ABCA5: variants seen among roughly 807,000 people sequenced by gnomAD.
The protein encoded by ABCA5 is cholesterol transporter ABCA5.
ABCA5 carries 163 observed loss-of-function variants against 206.0 expected under a neutral mutation model. That is an observed-to-expected ratio of 0.79 (90% CI 0.70 to 0.90). ABCA5 has a LOEUF of 0.90. Ranked by LOEUF, ABCA5 falls within the 40% of genes least tolerant of loss-of-function variation. ABCA5 has a pLI of 0.00. For missense variants in ABCA5, 1,859 were observed against 1,912.9 expected, an observed-to-expected ratio of 0.97 and a Z score of 0.53; for synonymous variants, 609 against 613.8, an observed-to-expected ratio of 0.99 and a Z score of 0.11.
rs1202209163 is a variant in ABCA5 at position 69,326,905 on chromosome 17, G to C, written c.-16+147C>G. ...GCCGCCTCTGCCCGCTTCCGAGCCCGCTTCACCCCACACCTCAGACGCCGA... is the reference window on the plus strand; with the variant it reads ...GCCGCCTCTGCCCGCTTCCGAGCCCCCTTCACCCCACACCTCAGACGCCGA... On this transcript the variant is annotated intron_variant, in intron 1 of 38. Transcript: ENST00000392676. The surrounding 1 kb of genome is among the most constrained non-coding windows in gnomAD (Gnocchi z 4.8). The C allele has an allele frequency of 6.6e-6, 1 of 152,258 alleles. No individual in the cohort carries two copies. The highest frequency in any genetic ancestry group is 1.5e-5 in the Non-Finnish European group (1 of 68,230). The allele number at this position is 152,258 out of a possible 1,614,324, so 9.4% of individuals were successfully genotyped here. A position where few individuals can be genotyped will look rare whatever the true frequency, so the allele number is the denominator to read the frequency against.
Position 69,259,732 on chromosome 17 carries a change from T to A in ABCA5, c.3705A>T (p.Arg1235Ser). 6.2e-7 allele frequency: 1 copy of A among 1,608,246 alleles called. No homozygotes were observed. ...LQYYEKKYGG[R>S]SIRKDPFFRN... Reference sequence around the variant, plus strand: ...TGAAAAAGGGATCTTTTCTTATTGATCTGCCTCCATATTTTTTCTCATAGT... The same window carrying A: ...TGAAAAAGGGATCTTTTCTTATTGAACTGCCTCCATATTTTTTCTCATAGT... The change falls in exon 28 of 39, where the codon AGA becomes AGT. Residue 1235 changes from arginine to serine, a missense_variant. Physicochemically the swap from Arg to Ser is moderately radical, Grantham distance 110. Coordinates refer to ENST00000392676, the MANE Select transcript of ABCA5 (RefSeq NM_172232.4).
chr17:69,284,629 T>C (rs2075431017), intron 17 of ABCA5, among the ~76,000 whole-genome samples: 1 of 152,194 alleles, frequency 6.6e-6, no homozygotes, highest in Non-Finnish European at 1.5e-5. Flanking sequence ...CTGCATCTTT[T>C]AAAACAAAAA....
intron 1 of ABCA5, chr17:69,315,232 GAACT>G (rs1430004349): frequency 1.3e-5 from 2 of 152,224 alleles, no homozygotes; most frequent in South Asian, 2.1e-4. Context: ...TTGAGAAACT[GAACT>G]AACAGACAGA....
At chr17:69,280,533 G>T (rs1197231003) in intron 18 of ABCA5, among the ~76,000 whole-genome samples, 1 of 150,662 alleles carries the variant, frequency 6.6e-6, no homozygotes, top group Non-Finnish European at 1.5e-5. Flanking sequence ...CCCATTACTG[G>T]GTATATACCC....
At chr17:69,266,309 T>C (rs1197151571) in intron 23 of ABCA5, among the ~76,000 whole-genome samples, 1 of 152,184 alleles carries the variant, frequency 6.6e-6, no homozygotes, top group Non-Finnish European at 1.5e-5. Flanking sequence ...AGAAATGTTC[T>C]GTATCTTGAC....
rs1400544326 is a variant in ABCA5 at position 69,271,169 on chromosome 17, G to A, written c.2885C>T (p.Ser962Leu). Residue 962 changes from serine to leucine, a missense_variant, in exon 21 of 39, where the codon TCA (serine) becomes TTA (leucine). Physicochemically the swap from Ser to Leu is moderately radical, Grantham distance 145 (BLOSUM62 -2). Transcript: ENST00000392676. ...TCACTGCATTCATCTTACCTTTTCT[G>A]AATGCATCACATTTAAAGCCGCACT... ...PHSAALNVMH[S>L]EKDYVFAAVF... is the part of the protein sequence containing the mutation. 3.1e-6 allele frequency: 5 copies of A among 1,610,616 alleles called. No individual in the cohort carries two copies. Among genetic ancestry groups the A allele is most frequent in the Non-Finnish European group, 4.2e-6 (5 of 1,179,080 alleles).
intron 1 of ABCA5, among the ~76,000 whole-genome samples, chr17:69,322,300 G>A (rs2075870964): frequency 7.5e-6 from 1 of 132,974 alleles, no homozygotes; most frequent in Non-Finnish European, 1.5e-5. Flanking sequence ...AACCCGGGAG[G>A]TGAAAGTTGC....
Position 69,289,966 on chromosome 17 carries a change from T to C in ABCA5, c.1678A>G (p.Ile560Val), listed in dbSNP as rs1304111578. The change falls in exon 13 of 39, where the codon ATT (isoleucine) becomes GTT (valine). Residue 560 changes from isoleucine (I) to valine (V), a missense_variant. Transcript: ENST00000392676. The part of the protein sequence containing the change: ...EMFEARKMIG[I>V]CPQLDIHFDV... ...AAGTGTATATCTAACTGTGGACAAA[T>C]GCCAATCATTTTTCTTGCTTCAAAC... 1 of 1,612,592 alleles carries C rather than the reference T, an allele frequency of 6.2e-7. No individual in the cohort carries two copies. Among genetic ancestry groups the C allele is most frequent in the East Asian group, 2.2e-5 (1 of 44,688 alleles).
At chr17:69,293,833 G>GGGGTGTGTGT (rs529106926) in intron 11 of ABCA5, among the ~76,000 whole-genome samples, 1 of 123,726 alleles carries the variant, frequency 8.1e-6, no homozygotes, top group East Asian at 2.6e-4. Flanking sequence ...CAATCATACT[G>GGGGTGTGTGT]GTGTGTGTGT....
intron 7 of ABCA5, among the ~76,000 whole-genome samples, chr17:69,303,811 T>TATATAC (rs1567778180): frequency 3.3e-3 from 14 of 4,256 alleles, no homozygotes; most frequent in Admixed American, 0.02. Context: ...TATATATACA[T>TATATAC]ACATATATAT....
At chr17:69,270,949 A>T (rs1013802057) in intron 21 of ABCA5, among the ~76,000 whole-genome samples, 199 bp from the exon 22 acceptor site, 2 of 151,412 alleles carry the variant, frequency 1.3e-5, no homozygotes, top group Non-Finnish European at 3.0e-5. Flanking sequence ...AAACAAGCAT[A>T]TAATTTTTTA....
chr17:69,251,925 G>C, intron 34 of ABCA5, 59 bp from the exon 35 acceptor site: 15 of 1,576,356 alleles, frequency 9.5e-6, no homozygotes, highest in Non-Finnish European at 1.2e-5. Flanking sequence ...AAAAAAAATG[G>C]GTTTTTAAAA....
At chr17:69,313,429 G>T (rs1323979196) in intron 2 of ABCA5, 133 bp from the exon 3 acceptor site, 18 of 438,014 alleles carry the variant, frequency 4.1e-5, no homozygotes, top group Non-Finnish European at 6.7e-5. Flanking sequence ...TAAAATAAAA[G>T]CAATTCTATC....
intron 18 of ABCA5, among the ~76,000 whole-genome samples, chr17:69,281,051 T>C (rs1294663612): frequency 7.5e-6 from 1 of 133,028 alleles, no homozygotes; most frequent in African/African-American, 2.9e-5. Flanking sequence ...AAAATAAAAA[T>C]AAATAAATAA....
At chr17:69,269,447 G>A (rs1407136992) in intron 22 of ABCA5, among the ~76,000 whole-genome samples, 1 of 152,182 alleles carries the variant, frequency 6.6e-6, no homozygotes, top group African/African-American at 2.4e-5. Context: ...CACTGCTGCT[G>A]GAAATGGAAA....
intron 34 of ABCA5, among the ~76,000 whole-genome samples, chr17:69,252,770 G>A (rs910027851): frequency 4.0e-5 from 6 of 148,532 alleles, no homozygotes; most frequent in Admixed American, 3.4e-4. Flanking sequence ...CTGGGAAGCA[G>A]AGGTTGCAGT....
Position 69,324,715 on chromosome 17 carries a change from C to A in ABCA5, c.-16+2337G>T, listed in dbSNP as rs8075063. Among the ~76,000 whole-genome samples the A allele has an allele frequency of 3.3e-5, 5 of 152,124 alleles. 1 individual carries two copies. In the East Asian group the frequency reaches 9.6e-4, roughly 29 times the overall value. On this transcript the variant is annotated intron_variant, in intron 1 of 38. Coordinates refer to ENST00000392676, the MANE Select transcript of ABCA5 (RefSeq NM_172232.4). ...TAAAAGAGATTTCCAAAATCCACCA[C>A]AAAGTAATGTTATACATTTCAACAA... is the stretch of plus-strand genomic sequence containing the variant.
intron 34 of ABCA5, 50 bp downstream of exon 34, chr17:69,253,523 A>ACTGTT (rs761693989): frequency 1.6e-6 from 2 of 1,243,472 alleles, no homozygotes; most frequent in Admixed American, 2.0e-5. Flanking sequence ...AATAAAAGAA[A>ACTGTT]CTGTTCTATT....
At chr17:69,323,203 C>T (rs2075877550) in intron 1 of ABCA5, among the ~76,000 whole-genome samples, 1 of 152,206 alleles carries the variant, frequency 6.6e-6, no homozygotes, top group Middle Eastern at 3.4e-3. Flanking sequence ...CAGATGATGC[C>T]AGGGATAAAA....
Sources: allele counts gnomAD v4.1 joint callset (sites outside exome capture counted in the v4.1 genomes callset), GRCh38; gene constraint gnomAD v4.1.1; non-coding constraint Gnocchi (gnomAD v3.1); transcripts MANE v1.5; gene names NCBI Gene and HGNC (gene_info 2026-07-23, HGNC 2026-07-21).